Variants in PCDH7 observed in about 807,000 individuals in gnomAD.
PCDH7 encodes the protein protocadherin 7.
PCDH7 carries 17 observed loss-of-function variants against 58.9 expected under a neutral mutation model. The ratio of observed to expected loss-of-function variants is 0.29; its 90% CI spans 0.20 to 0.43. The LOEUF (loss-of-function observed/expected upper bound fraction) is 0.43. Ranked by LOEUF, PCDH7 falls within the 20% of genes least tolerant of loss-of-function variation. PCDH7 has a pLI of 1.00. For synonymous variants in PCDH7, 664 were observed against 616.4 expected (o/e 1.08, Z -1.14); for missense variants, 1,274 against 1,441.0 (o/e 0.88, Z 1.88).
chr4:31,058,891 T>C (rs1757466048), intron 3 of PCDH7, among the ~76,000 whole-genome samples: 2 of 151,934 alleles, frequency 1.3e-5, no homozygotes, highest in South Asian at 2.1e-4. Context: ...TACACAGAAT[T>C]GTGAAGCTAT....
intron 3 of PCDH7, among the ~76,000 whole-genome samples, chr4:31,123,166 C>T (rs1300733361): frequency 1.3e-5 from 2 of 151,678 alleles, no homozygotes; most frequent in Non-Finnish European, 2.9e-5. Context: ...AAATTTATAA[C>T]AAAAAAACAT....
At chr4:30,975,748 T>A (rs1489581835) in intron 3 of PCDH7, among the ~76,000 whole-genome samples, 1 of 152,202 alleles carries the variant, frequency 6.6e-6, no homozygotes, top group African/African-American at 2.4e-5. Context: ...GAAAGTTCAA[T>A]TATTTCAAAA....
At chr4:30,954,437 T>C (rs1747652609) in intron 3 of PCDH7, among the ~76,000 whole-genome samples, 2 of 152,172 alleles carry the variant, frequency 1.3e-5, no homozygotes, top group South Asian at 4.1e-4. Flanking sequence ...TACTGAACAT[T>C]TCTTTGTACA....
At chr4:30,732,032 A>AAAAT (rs1327846063) in exon 2 of PCDH7, 1 of 152,162 alleles carries the variant, frequency 6.6e-6, no homozygotes, top group Non-Finnish European at 1.5e-5. Flanking sequence ...CCACTTAAGA[A>AAAAT]AAATAAATAA....
chr4:30,921,149 T>C (rs1743140390), intron 2 of PCDH7, among the ~76,000 whole-genome samples: 1 of 152,144 alleles, frequency 6.6e-6, no homozygotes, highest in Non-Finnish European at 1.5e-5. Context: ...ATTTTCTGGA[T>C]TTTGAGTCAT....
At chr4:30,985,975 A>G (rs1750930423) in intron 3 of PCDH7, among the ~76,000 whole-genome samples, 2 of 152,222 alleles carry the variant, frequency 1.3e-5, no homozygotes, top group South Asian at 4.1e-4. Context: ...CTGTAACAAC[A>G]ATGGTGTGTT....
chr4:31,105,332 A>T (rs1415788539), intron 3 of PCDH7, among the ~76,000 whole-genome samples: 1 of 152,168 alleles, frequency 6.6e-6, no homozygotes, highest in Non-Finnish European at 1.5e-5. Flanking sequence ...TATTTAACAT[A>T]ATGCATGTGA....
intron 3 of PCDH7, among the ~76,000 whole-genome samples, chr4:30,955,566 G>A (rs1747772573): frequency 6.6e-6 from 1 of 150,880 alleles, no homozygotes; most frequent in African/African-American, 2.4e-5. Context: ...TTGAGACAGA[G>A]TCTCAGTCTC....
chr4:31,087,063 A>C (rs528781961), intron 3 of PCDH7, among the ~76,000 whole-genome samples: 1 of 152,304 alleles, frequency 6.6e-6, no homozygotes, highest in South Asian at 2.1e-4. Context: ...AGAGGCAAAT[A>C]ACTGTTCTCT....
At chr4:31,051,841 G>A (rs756163219) in intron 3 of PCDH7, among the ~76,000 whole-genome samples, 23 of 135,522 alleles carry the variant, frequency 1.7e-4, no homozygotes, top group Admixed American at 2.9e-4. Context: ...TGTGGGGGGC[G>A]GGTAGGGGAA....
intron 3 of PCDH7, among the ~76,000 whole-genome samples, chr4:31,120,749 G>C (rs1294630759): frequency 6.6e-6 from 1 of 152,168 alleles, no homozygotes; most frequent in South Asian, 2.1e-4. Context: ...AGCAGGTATG[G>C]TTACTCCGGG....
intron 1 of PCDH7, among the ~76,000 whole-genome samples, chr4:30,845,188 G>A (rs1041178952): frequency 6.6e-6 from 1 of 152,094 alleles, no homozygotes; most frequent in African/African-American, 2.4e-5. Context: ...CTTAATTTGA[G>A]GGTCTTATTA....
intron 3 of PCDH7, among the ~76,000 whole-genome samples, chr4:30,982,616 C>T (rs1386622726): frequency 6.6e-6 from 1 of 152,156 alleles, no homozygotes; most frequent in African/African-American, 2.4e-5. Context: ...AAATAATTAA[C>T]AAAACAACTC....
intron 3 of PCDH7, among the ~76,000 whole-genome samples, chr4:30,962,223 T>C (rs1307528650): frequency 6.6e-6 from 1 of 152,150 alleles, no homozygotes; most frequent in Non-Finnish European, 1.5e-5. Flanking sequence ...GTTAAATAAA[T>C]GTTTAATAAG....
chr4:30,794,610 T>C (rs1464870216), intron 1 of PCDH7, among the ~76,000 whole-genome samples: 1 of 137,286 alleles, frequency 7.3e-6, no homozygotes, highest in Admixed American at 7.0e-5. Context: ...AGGGAGACAT[T>C]TAAGTTTAAT....
chr4:30,989,862 T>C (rs1448309112), intron 3 of PCDH7, among the ~76,000 whole-genome samples: 1 of 152,202 alleles, frequency 6.6e-6, no homozygotes, highest in Non-Finnish European at 1.5e-5. Context: ...CAATTAATCA[T>C]TACTTTATGT....
intron 3 of PCDH7, among the ~76,000 whole-genome samples, chr4:31,031,657 A>G (rs1015444060): frequency 6.6e-6 from 1 of 151,842 alleles, no homozygotes; most frequent in South Asian, 2.1e-4. Context: ...AAAGAAAAAA[A>G]CTTTTATTAT....
At chr4:30,752,889 T>C (rs1718759563) in intron 1 of PCDH7, among the ~76,000 whole-genome samples, 1 of 151,658 alleles carries the variant, frequency 6.6e-6, no homozygotes, top group African/African-American at 2.4e-5. Context: ...ATACTGTAGA[T>C]ATTTAAATAA....
At chr4:31,017,717 G>GA (rs1392904586) in intron 3 of PCDH7, among the ~76,000 whole-genome samples, 1 of 151,404 alleles carries the variant, frequency 6.6e-6, no homozygotes, top group East Asian at 2.0e-4. Flanking sequence ...AATATAGAGA[G>GA]AAAAAAATAA....
Sources: gnomAD v4.1 joint callset for allele counts (sites outside exome capture counted in the v4.1 genomes callset) on GRCh38, gnomAD v4.1.1 for gene constraint, MANE v1.5 for transcripts, NCBI Gene and HGNC (gene_info 2026-07-23, HGNC 2026-07-21) for gene names.